Variants in NDUFAF6 observed in about 807,000 individuals in gnomAD.
The protein encoded by NDUFAF6 is NADH dehydrogenase (ubiquinone) complex I, assembly factor 6.
In NDUFAF6, 45 loss-of-function variants were observed where a neutral mutation model predicts 40.8. The ratio of observed to expected loss-of-function variants is 1.10; its 90% CI spans 0.87 to 1.42. The LOEUF (loss-of-function observed/expected upper bound fraction) is 1.42, where lower values mean the gene tolerates loss of function less well. Among genes scored for constraint, NDUFAF6 ranks in the 40% most tolerant of loss-of-function variants. NDUFAF6 has a pLI of 0.00. For synonymous variants in NDUFAF6, 185 were observed against 155.9 expected, an observed-to-expected ratio of 1.19 and a Z score of -1.39; for missense variants, 435 against 418.5, an observed-to-expected ratio of 1.04 and a Z score of -0.34.
downstream of NDUFAF6, among the ~76,000 whole-genome samples, chr8:95,116,872 G>C (rs1810146493): frequency 2.0e-5 from 3 of 152,318 alleles, 1 homozygote; most frequent in South Asian, 6.2e-4. Context: ...TCTAGATAAG[G>C]CTTGATTAAG....
At chr8:94,916,425 G>C (rs1819126827) in intron 1 of NDUFAF6, among the ~76,000 whole-genome samples, 1 of 152,206 alleles carries the variant, frequency 6.6e-6, no homozygotes, top group South Asian at 2.1e-4. Context: ...ACCCATCCCG[G>C]CTGTCATCCT....
At chr8:95,080,330 T>C (rs1176750535), downstream of NDUFAF6, among the ~76,000 whole-genome samples, 1 of 150,870 alleles carries the variant, frequency 6.6e-6, no homozygotes, top group Non-Finnish European at 1.5e-5. Flanking sequence ...ATTTTTGTAG[T>C]GTATTTTTTG....
chr8:95,056,232 G>GTT (rs1460711759), intron 8 of NDUFAF6, among the ~76,000 whole-genome samples: 5 of 140,960 alleles, frequency 3.5e-5, no homozygotes, highest in Non-Finnish European at 4.7e-5. Flanking sequence ...TTTCTGGATT[G>GTT]TTTTTTTTTT....
At chr8:94,962,134 A>G (rs1823628082) in intron 1 of NDUFAF6, among the ~76,000 whole-genome samples, 2 of 152,224 alleles carry the variant, frequency 1.3e-5, no homozygotes, top group Admixed American at 6.5e-5. Flanking sequence ...ATGAAAAGGG[A>G]CAGAGTTGGC....
chr8:94,944,468 A>G (rs1324150557), intron 1 of NDUFAF6, among the ~76,000 whole-genome samples: 1 of 152,216 alleles, frequency 6.6e-6, no homozygotes, highest in Non-Finnish European at 1.5e-5. Flanking sequence ...AGATACAGGA[A>G]AGGCTTCTCT....
At chr8:95,065,250 G>A (rs909083679) in intron 9 of NDUFAF6, among the ~76,000 whole-genome samples, 15 of 152,202 alleles carry the variant, frequency 9.9e-5, no homozygotes, top group Non-Finnish European at 1.8e-4. Context: ...AATTGGTATG[G>A]GAAATAGGGA....
intron 9 of NDUFAF6, among the ~76,000 whole-genome samples, chr8:95,066,581 T>A (rs553383111): frequency 3.3e-5 from 5 of 152,242 alleles, no homozygotes; most frequent in African/African-American, 1.2e-4. Context: ...TCTAGGAAAA[T>A]CAAATTTCAG....
intron 1 of NDUFAF6, among the ~76,000 whole-genome samples, chr8:94,909,215 C>G (rs932705365): frequency 5.3e-5 from 8 of 151,706 alleles, no homozygotes; most frequent in African/African-American, 1.9e-4. Flanking sequence ...TGTGGTGGTG[C>G]ACACCTGTAA....
chr8:95,047,579 G>A (rs1308924747), intron 6 of NDUFAF6, among the ~76,000 whole-genome samples: 4 of 144,398 alleles, frequency 2.8e-5, no homozygotes, highest in South Asian at 2.2e-4. Context: ...GCGTGATCTC[G>A]GCTCACTGCA....
At chr8:94,896,364 GC>G (rs1307152545) in intron 1 of NDUFAF6, 2 of 148,866 alleles carry the variant, frequency 1.3e-5, no homozygotes, top group Non-Finnish European at 3.0e-5. Flanking sequence ...GAGGAGGGGG[GC>G]CCGACGCTCT....
intron 2 of NDUFAF6, among the ~76,000 whole-genome samples, chr8:94,982,673 C>T (rs1004635972): frequency 1.3e-5 from 2 of 152,226 alleles, no homozygotes; most frequent in Non-Finnish European, 2.9e-5. Flanking sequence ...TCCCATTATG[C>T]GTGAACACAC....
At chr8:95,069,949 A>G (rs1167996324) in intron 9 of NDUFAF6, among the ~76,000 whole-genome samples, 1 of 151,352 alleles carries the variant, frequency 6.6e-6, no homozygotes. Flanking sequence ...TACCAGATGC[A>G]TAGGCTGGGG....
downstream of NDUFAF6, among the ~76,000 whole-genome samples, chr8:95,107,670 T>A (rs1438376838): frequency 1.3e-5 from 2 of 152,228 alleles, no homozygotes; most frequent in Admixed American, 1.3e-4. Context: ...TTTTATCTTA[T>A]GATAATTGTA....
upstream of NDUFAF6, chr8:95,100,280 A>G (rs1212689565): frequency 1.3e-5 from 2 of 152,088 alleles, no homozygotes; most frequent in African/African-American, 2.4e-5. Context: ...AAAAAATTAA[A>G]TAAATAGAAC....
intron 1 of NDUFAF6, among the ~76,000 whole-genome samples, chr8:94,900,602 G>A (rs1239101953): frequency 6.6e-6 from 1 of 152,198 alleles, no homozygotes; most frequent in Non-Finnish European, 1.5e-5. Flanking sequence ...CGGCAGTGAT[G>A]GAAATCCAGA....
intron 1 of NDUFAF6, among the ~76,000 whole-genome samples, chr8:94,904,310 A>AT (rs1330824612): frequency 4.1e-5 from 2 of 49,016 alleles, no homozygotes; most frequent in African/African-American, 2.0e-4. Flanking sequence ...CACCTGGCTA[A>AT]TTTTTTTTGC....
chr8:94,897,584 G>A lies in NDUFAF6; in HGVS notation c.-936+1657G>A, dbSNP rs78333747. Among the ~76,000 whole-genome samples, 1,299 of 151,926 alleles carry A rather than the reference G, an allele frequency of 8.6e-3. 11 individuals carry two copies. Among genetic ancestry groups the A allele is most frequent in the Middle Eastern group, 0.02 (6 of 294 alleles). ...TGTTGGCCTCTACCATGCTTCTCTG[G>A]GGTAACTATTTTGATTGCTCCGACA... On this transcript the variant is annotated intron_variant, in intron 1 of 14. Coordinates refer to the NDUFAF6 transcript ENST00000396113.
intron 1 of NDUFAF6, among the ~76,000 whole-genome samples, chr8:94,909,581 G>A (rs548618832): frequency 1.6e-4 from 24 of 151,528 alleles, no homozygotes; most frequent in Admixed American, 6.6e-4. Context: ...AGCTGAGGTC[G>A]CGCCACTGCA....
chr8:95,066,795 C>T (rs1167820823), intron 9 of NDUFAF6: 1 of 152,230 alleles, frequency 6.6e-6, no homozygotes, highest in African/African-American at 2.4e-5. Flanking sequence ...ATGACACATT[C>T]CATAGCTCTG....
Sources: allele counts gnomAD v4.1 joint callset (sites outside exome capture counted in the v4.1 genomes callset), GRCh38; gene constraint gnomAD v4.1.1; transcripts MANE v1.5; gene names NCBI Gene and HGNC (gene_info 2026-07-23, HGNC 2026-07-21).